The following ABCB7 variants were observed in gnomAD, a reference collection of about 807,000 sequenced individuals.
ABCB7 encodes the protein ATP binding cassette subfamily B member 7.
ABCB7 carries 7 observed loss-of-function variants against 54.4 expected under a neutral mutation model. The observed-to-expected ratio is 0.13, with a 90% CI of 0.07 to 0.24. The LOEUF (loss-of-function observed/expected upper bound fraction) is 0.24. Ranked by LOEUF, ABCB7 falls within the 10% of genes least tolerant of loss-of-function variation. The probability of loss-of-function intolerance (pLI) is 1.00; values close to 1 mark genes in which losing one functional copy is unlikely to be tolerated. For synonymous variants in ABCB7, 218 were observed against 207.1 expected (o/e 1.05, Z -0.45); for missense variants, 356 against 570.4 (o/e 0.62, Z 3.83).
chrX:75,137,040 A>C (rs1196528627), intron 1 of ABCB7, among the ~76,000 whole-genome samples: 1 of 112,448 alleles, frequency 8.9e-6, no homozygotes, highest in Non-Finnish European at 1.9e-5. Flanking sequence ...AATGGGACCT[A>C]ATTACACTAA....
chrX:75,073,504 C>T (rs2081381880), intron 8 of ABCB7, among the ~76,000 whole-genome samples, 185 bp downstream of exon 8: 1 of 111,279 alleles, frequency 9.0e-6, no homozygotes, highest in Non-Finnish European at 1.9e-5. Context: ...CTGATAGTGC[C>T]AAACAAAAAC....
chrX:75,073,631 G>C, intron 8 of ABCB7, 58 bp downstream of exon 8: 1 of 931,027 alleles, frequency 1.1e-6, no homozygotes, highest in Admixed American at 2.2e-5. Context: ...AAATTAAATG[G>C]TAGATCAAAT....
intron 4 of ABCB7, among the ~76,000 whole-genome samples, chrX:75,089,638 T>C (rs189090501): frequency 1.7e-4 from 19 of 110,228 alleles, no homozygotes; most frequent in Non-Finnish European, 1.9e-5. Context: ...GAAGAAAAAG[T>C]AAAATAAAAG....
intron 3 of ABCB7, among the ~76,000 whole-genome samples, chrX:75,108,703 C>T (rs903906803): frequency 9.2e-6 from 1 of 108,110 alleles, no homozygotes; most frequent in African/African-American, 3.4e-5. Flanking sequence ...AGAAAAAGTT[C>T]GGAAATGACA....
In ABCB7 at chrX:75,051,608, C is replaced by T. The variant is rs1440663092; in HGVS notation, c.*1762G>A. On this transcript the variant is annotated 3_prime_UTR_variant, in exon 16 of 16. Coordinates refer to ENST00000373394, the MANE Select transcript of ABCB7 (RefSeq NM_001271696.3). ...TTTCTAGCAGGTAAAACTTTTTTTC[C>T]TCCCAAGGTAAAACTTGATTATGTT... The T allele has an allele frequency of 1.8e-5, 2 of 111,679 alleles. No homozygotes were observed. The highest frequency in any genetic ancestry group is 4.6e-3 in the Middle Eastern group (1 of 218). The allele number at this position is 111,679 out of a possible 1,213,427, so 9.2% of individuals were successfully genotyped here. A position where few individuals can be genotyped will look rare whatever the true frequency, so the allele number is the denominator to read the frequency against.
chrX:75,072,037 G>C (rs2081367320), intron 8 of ABCB7, among the ~76,000 whole-genome samples: 1 of 111,282 alleles, frequency 9.0e-6, no homozygotes, highest in Non-Finnish European at 1.9e-5. Context: ...TTAGTCACCT[G>C]CATACTTAAA....
chrX:75,060,202 C>T, intron 15 of ABCB7, 21 bp downstream of exon 15: 3 of 1,154,754 alleles, frequency 2.6e-6, no homozygotes, highest in Non-Finnish European at 3.6e-6. Flanking sequence ...AAATACTAAA[C>T]TTTAAAGTTA....
chrX:75,103,881 G>GT (rs1258118089), intron 3 of ABCB7, among the ~76,000 whole-genome samples: 4 of 107,874 alleles, frequency 3.7e-5, no homozygotes, highest in African/African-American at 1.3e-4. Flanking sequence ...GTAGTCTTTA[G>GT]TTTTTTTCTA....
rs184522363 is a variant in ABCB7, at chrX:75,104,477, C to T, written c.334-5416G>A. ...ATAAATTTCTGGAAATGTACAACCT[C>T]CCAAGATTGAATGAGGAAAAAAACA... On this transcript the variant is annotated intron_variant, in intron 3 of 15. Coordinates refer to ENST00000373394, the MANE Select transcript of ABCB7 (RefSeq NM_001271696.3). Among the ~76,000 whole-genome samples the T allele has an allele frequency of 4.8e-3, 523 of 109,930 alleles. 4 individuals are homozygous for T. The highest frequency in any genetic ancestry group is 0.016 in the African/African-American group (494 of 30,339).
In ABCB7 at chrX:75,098,937, C is replaced by G. The variant is rs369184458; in HGVS notation, c.453+5G>C. On this transcript the variant is annotated splice_donor_5th_base_variant and intron_variant, in intron 4 of 15. Coordinates refer to ENST00000373394, the MANE Select transcript of ABCB7 (RefSeq NM_001271696.3). ...AGAGCAACCAAACAATGCATAATTTCTTACCTTTGCACCACCCAAAAATCC... is the reference window on the plus strand; with the variant it reads ...AGAGCAACCAAACAATGCATAATTTGTTACCTTTGCACCACCCAAAAATCC... The G allele has an allele frequency of 8.3e-7, 1 of 1,209,668 alleles. No homozygotes were observed. The highest frequency in any genetic ancestry group is 1.7e-5 in the African/African-American group (1 of 57,182).
intron 1 of ABCB7, among the ~76,000 whole-genome samples, chrX:75,134,946 T>C (rs1419821626): frequency 9.1e-6 from 1 of 110,145 alleles, no homozygotes; most frequent in Non-Finnish European, 1.9e-5. Flanking sequence ...CTAACATCAA[T>C]GCTAGCAGAA....
At chrX:75,129,438 G>A (rs2081959180) in intron 1 of ABCB7, among the ~76,000 whole-genome samples, 1 of 109,836 alleles carries the variant, frequency 9.1e-6, no homozygotes, top group Non-Finnish European at 1.9e-5. Context: ...TCACACTGGG[G>A]CCCATTTGGG....
Position 75,069,136 on chromosome X carries a change from C to T in ABCB7, c.1530G>A (p.Gly510=). The change falls in exon 12 of 16, where the codon GGG becomes GGA. Residue 510 remains glycine (G), a splice_region_variant and synonymous_variant. Coordinates refer to ENST00000373394, the MANE Select transcript of ABCB7 (RefSeq NM_001271696.3). ...ATAATAGCCTCACTATTGTGCTTTT[C>T]CTGAAATTGGAGATGAAGAAAGGTT... is the stretch of plus-strand genomic sequence containing the variant. The part of the protein sequence containing the change: ...KVAIVGGSGS[G]KSTIVRLLFR... 1 of 1,210,466 alleles carries T rather than the reference C, an allele frequency of 8.3e-7. No homozygotes were observed. The highest frequency in any genetic ancestry group is 1.1e-6 in the Non-Finnish European group (1 of 894,594).
intron 4 of ABCB7, among the ~76,000 whole-genome samples, chrX:75,095,342 G>A (rs758384669): frequency 8.9e-6 from 1 of 111,892 alleles, no homozygotes; most frequent in East Asian, 2.8e-4. Flanking sequence ...GATCCGAGGT[G>A]TTTATATGCC....
At chrX:75,132,421 A>G (rs2081981755) in intron 1 of ABCB7, among the ~76,000 whole-genome samples, 1 of 113,132 alleles carries the variant, frequency 8.8e-6, no homozygotes, top group African/African-American at 3.2e-5. Flanking sequence ...CCTGGGGCAG[A>G]GCCCCAAGGA....
chrX:75,136,264 T>C (rs1281116017), intron 1 of ABCB7, among the ~76,000 whole-genome samples: 1 of 110,765 alleles, frequency 9.0e-6, no homozygotes, highest in African/African-American at 3.3e-5. Flanking sequence ...AAAAAGAATA[T>C]AATGCCTAAG....
At chrX:75,104,328 C>G (rs1348113240) in intron 3 of ABCB7, among the ~76,000 whole-genome samples, 1 of 107,926 alleles carries the variant, frequency 9.3e-6, no homozygotes, top group Non-Finnish European at 1.9e-5. Flanking sequence ...ATATAAGATT[C>G]AAATACGTGT....
At chrX:75,131,909 C>T (rs1047144853) in intron 1 of ABCB7, among the ~76,000 whole-genome samples, 4 of 111,481 alleles carry the variant, frequency 3.6e-5, no homozygotes, top group Non-Finnish European at 7.5e-5. Context: ...AGTAGTACCA[C>T]CCTTACTGCT....
Position 75,151,987 on chromosome X carries a change from A to C in ABCB7, c.168+4118T>G, listed in dbSNP as rs1286276492. Among the ~76,000 whole-genome samples the C allele has an allele frequency of 3.6e-5, 4 of 111,881 alleles. No homozygotes were observed. The East Asian group carries it at 1.1e-3, about 31-fold the overall frequency. On this transcript the variant is annotated intron_variant, in intron 1 of 15. Coordinates refer to ENST00000373394, the MANE Select transcript of ABCB7 (RefSeq NM_001271696.3). Reference sequence around the variant, plus strand: ...TCATTCCTTCCAAGCTTACTGTGTGAGAACAATGTAGGGGACAATTAAAAG... The same window carrying C: ...TCATTCCTTCCAAGCTTACTGTGTGCGAACAATGTAGGGGACAATTAAAAG...
Sources: allele counts gnomAD v4.1 joint callset (sites outside exome capture counted in the v4.1 genomes callset), GRCh38; gene constraint gnomAD v4.1.1; transcripts MANE v1.5; gene names NCBI Gene and HGNC (gene_info 2026-07-23, HGNC 2026-07-21).